CDK7: variants seen among roughly 807,000 people sequenced by gnomAD.
CDK7 encodes the protein cyclin dependent kinase 7, also known as cyclin-dependent kinase 7.
A neutral mutation model predicts 49.1 loss-of-function variants in CDK7; 25 were observed. That is an observed-to-expected ratio of 0.51 (90% CI 0.37 to 0.71). The LOEUF (loss-of-function observed/expected upper bound fraction) is 0.71, where lower values mean the gene tolerates loss of function less well. CDK7 is among the 30% of genes least tolerant of loss of function. The probability of loss-of-function intolerance (pLI) is 0.00; values close to 1 mark genes in which losing one functional copy is unlikely to be tolerated. For missense variants in CDK7, 316 were observed against 411.7 expected (o/e 0.77, Z 2.01); for synonymous variants, 107 against 140.0 (o/e 0.76, Z 1.67).
Position 69,258,057 on chromosome 5 carries a change from T to G in CDK7, c.312T>G (p.Asp104Glu). Reference sequence around the variant, plus strand: ...TTGCTTTACAGGTTATAATAAAGGATAATAGTCTTGTGCTGACACCATCAC... The same window carrying G: ...TTGCTTTACAGGTTATAATAAAGGAGAATAGTCTTGTGCTGACACCATCAC... ...METDLEVIIK[D>E]NSLVLTPSHI... The change falls in exon 6 of 12, where the codon GAT becomes GAG. Residue 104 changes from aspartate (D) to glutamate (E), a missense_variant. Asp to Glu is a conservative substitution (Grantham distance 45). Coordinates refer to ENST00000256443, the MANE Select transcript of CDK7 (RefSeq NM_001799.4). The G allele has an allele frequency of 6.4e-7, 1 of 1,558,430 alleles. No homozygotes were observed. The highest frequency in any genetic ancestry group is 1.1e-5 in the South Asian group (1 of 87,468).
At chr5:69,255,309 G>A in intron 4 of CDK7, 151 bp from the exon 5 acceptor site, 1 of 513,522 alleles carries the variant, frequency 1.9e-6, no homozygotes, top group Non-Finnish European at 3.5e-6. Context: ...GTCCAAAAAA[G>A]GACAAATGTC....
Position 69,252,426 on chromosome 5 carries a change from T to G in CDK7, c.135T>G (p.Leu45=). 1 of 1,560,408 alleles carries G rather than the reference T, an allele frequency of 6.4e-7. No homozygotes were observed. Among genetic ancestry groups the G allele is most frequent in the Non-Finnish European group, 8.7e-7 (1 of 1,149,686 alleles). The part of the protein sequence containing the change: ...NQIVAIKKIK[L]GHRSEAKDGI... ...TTTTCCGTTTCTACCAGATCAAACT[T>G]GGACATAGATCAGAAGCTAAAGATG... Residue 45 remains leucine, a synonymous_variant, in exon 3 of 12, where the codon CTT becomes CTG. Transcript: ENST00000256443.
At chr5:69,244,233 T>C (rs1423822868) in intron 2 of CDK7, among the ~76,000 whole-genome samples, 3 of 152,236 alleles carry the variant, frequency 2.0e-5, no homozygotes, top group Non-Finnish European at 2.9e-5. Context: ...TTGATTTCTT[T>C]TTCAGATTGT....
At chr5:69,235,086 C>G in intron 1 of CDK7, 45 bp downstream of exon 1, 1 of 1,539,120 alleles carries the variant, frequency 6.5e-7, no homozygotes, top group African/African-American at 1.4e-5. Flanking sequence ...GCGGACAGCC[C>G]CGCGCCGCCT....
At chr5:69,237,528 A>G (rs1208571956) in intron 2 of CDK7, among the ~76,000 whole-genome samples, 2 of 152,074 alleles carry the variant, frequency 1.3e-5, no homozygotes, top group East Asian at 3.9e-4. Context: ...GCTTTGCTAT[A>G]TTTCTGTCAT....
At chr5:69,250,063 T>C (rs1750039076) in intron 2 of CDK7, among the ~76,000 whole-genome samples, 1 of 152,264 alleles carries the variant, frequency 6.6e-6, no homozygotes, top group Non-Finnish European at 1.5e-5. Flanking sequence ...CTCTGCAGGA[T>C]TGACCCTTAG....
At position 69,261,490 on chromosome 5, in the gene CDK7, C is replaced by CTGTGTGTG. The variant is rs1168767153; in HGVS notation, c.528-687_528-680dup. Among the ~76,000 whole-genome samples the CTGTGTGTG allele has an allele frequency of 7.4e-3, 1,029 of 139,630 alleles. 4 individuals are homozygous for CTGTGTGTG. The highest frequency in any genetic ancestry group is 0.011 in the Middle Eastern group (3 of 274). 91.6% of individuals were successfully genotyped at this position (139,630 alleles called of 152,430 possible). ...ATGAAAGCCTGATTGAAAAGGTTCT[C>CTGTGTGTG]TGTGTGTGTGTGTGTGTGTGTGTGT... On this transcript the variant is annotated intron_variant, in intron 7 of 11. Coordinates refer to ENST00000256443, the MANE Select transcript of CDK7 (RefSeq NM_001799.4).
Position 69,273,005 on chromosome 5 carries a change from C to G in CDK7, c.828C>G (p.Phe276Leu), listed in dbSNP as rs139575116. The G allele has an allele frequency of 1.1e-5, 18 of 1,576,770 alleles. No homozygotes were observed. Among genetic ancestry groups the G allele is most frequent in the Non-Finnish European group, 1.6e-5 (18 of 1,158,044 alleles). ...TACTAGATCTCATACAAGGCTTATT[C>G]TTATTTAATCCATGTGCTCGAATTA... ...DDLLDLIQGL[F>L]LFNPCARITA... Residue 276 changes from phenylalanine (F) to leucine (L), a missense_variant, in exon 10 of 12, where the codon TTC becomes TTG. Coordinates refer to ENST00000256443, the MANE Select transcript of CDK7 (RefSeq NM_001799.4).
At chr5:69,237,951 A>G (rs1022747614) in intron 2 of CDK7, among the ~76,000 whole-genome samples, 10 of 152,160 alleles carry the variant, frequency 6.6e-5, no homozygotes, top group Admixed American at 3.3e-4. Context: ...GACGTTGTCT[A>G]TACTTTCTAC....
intron 7 of CDK7, 145 bp from the exon 8 acceptor site, chr5:69,262,060 A>T: frequency 2.2e-6 from 2 of 900,708 alleles, no homozygotes; most frequent in South Asian, 3.4e-5. Context: ...TATATTTAAA[A>T]CTTCATGAAA....
In CDK7 at chr5:69,261,809, G is replaced by A. The variant is rs564420995; in HGVS notation, c.528-396G>A. Among the ~76,000 whole-genome samples the A allele has an allele frequency of 2.0e-5, 3 of 152,288 alleles. No individual in the cohort carries two copies. The East Asian group carries it at 5.8e-4, about 29-fold the overall frequency. On this transcript the variant is annotated intron_variant, in intron 7 of 11. Coordinates refer to ENST00000256443, the MANE Select transcript of CDK7 (RefSeq NM_001799.4). ...CTCCCAAAGTGCTGGGATTACAGGC[G>A]TGAGCCACCACACCCGGCCTGAAAA...
chr5:69,240,916 C>T (rs936668038), intron 2 of CDK7, among the ~76,000 whole-genome samples: 10 of 152,174 alleles, frequency 6.6e-5, no homozygotes, highest in South Asian at 2.1e-4. Context: ...TGTGAGCCAC[C>T]GCACCTGGCC....
chr5:69,264,737 G>A (rs898030770), intron 8 of CDK7, among the ~76,000 whole-genome samples: 4 of 152,228 alleles, frequency 2.6e-5, no homozygotes, highest in East Asian at 1.9e-4. Context: ...TTGGGAGGCC[G>A]AGGTGGGTGG....
At position 69,235,029 on chromosome 5, in the gene CDK7, T is replaced by C; in HGVS notation, c.54T>C (p.Leu18=). 1.2e-6 allele frequency: 2 copies of C among 1,603,106 alleles called. No individual in the cohort carries two copies. The highest frequency in any genetic ancestry group is 1.7e-6 in the Non-Finnish European group (2 of 1,175,144). The change falls in exon 1 of 12, where the codon CTT becomes CTC. Residue 18 remains leucine, a synonymous_variant. Coordinates refer to ENST00000256443, the MANE Select transcript of CDK7 (RefSeq NM_001799.4). ...AGCGTTATGAGAAGCTGGACTTCCT[T>C]GGGGAGGGACAGGTGAGGCTCTCTG... ...RAKRYEKLDF[L]GEGQFATVYK... is the part of the protein sequence containing the mutation.
chr5:69,237,202 G>T (rs886942959), intron 2 of CDK7, among the ~76,000 whole-genome samples: 1 of 151,944 alleles, frequency 6.6e-6, no homozygotes, highest in Admixed American at 6.6e-5. Flanking sequence ...CTGGACTAAA[G>T]TAATCCTTCC....
chr5:69,242,484 A>G (rs1269015686), intron 2 of CDK7, among the ~76,000 whole-genome samples: 1 of 152,180 alleles, frequency 6.6e-6, no homozygotes, highest in Non-Finnish European at 1.5e-5. Flanking sequence ...CCCAACCACC[A>G]GTTTTACGTT....
intron 2 of CDK7, chr5:69,250,911 A>G (rs935940567): frequency 2.2e-6 from 1 of 454,746 alleles, no homozygotes; most frequent in Non-Finnish European, 4.4e-6. Context: ...TAAATGGTCT[A>G]CTTTAAGAAA....
At chr5:69,275,803 A>G (rs1262603245) in intron 10 of CDK7, among the ~76,000 whole-genome samples, 3 of 152,148 alleles carry the variant, frequency 2.0e-5, no homozygotes, top group Non-Finnish European at 2.9e-5. Flanking sequence ...GCAAGACCCC[A>G]TTCTCCACAA....
In CDK7 at chr5:69,258,046, A is replaced by G. The variant is rs1750592916; in HGVS notation, c.301A>G (p.Ile101Val). Reference sequence around the variant, plus strand: ...ATATTGTATACTTGCTTTACAGGTTATAATAAAGGATAATAGTCTTGTGCT... The same window carrying G: ...ATATTGTATACTTGCTTTACAGGTTGTAATAAAGGATAATAGTCTTGTGCT... ...FDFMETDLEV[I>V]IKDNSLVLTP... The change falls in exon 6 of 12, where the codon ATA becomes GTA. Residue 101 changes from isoleucine to valine, a missense_variant. Ile to Val is a conservative substitution (Grantham distance 29). Transcript: ENST00000256443. The G allele has an allele frequency of 1.3e-6, 2 of 1,492,470 alleles. No homozygotes were observed. The highest frequency in any genetic ancestry group is 1.9e-6 in the Non-Finnish European group (2 of 1,078,442). The allele number at this position is 1,492,470 out of a possible 1,614,324, so 92.5% of individuals were successfully genotyped here.
Sources: gnomAD v4.1 joint callset for allele counts (sites outside exome capture counted in the v4.1 genomes callset) on GRCh38, gnomAD v4.1.1 for gene constraint, MANE v1.5 for transcripts, NCBI Gene and HGNC (gene_info 2026-07-23, HGNC 2026-07-21) for gene names.